RUFY3: variants seen among roughly 807,000 people sequenced by gnomAD.
RUFY3 encodes the protein protein RUFY3.
In RUFY3, 34 loss-of-function variants were observed where a neutral mutation model predicts 84.0. The ratio of observed to expected loss-of-function variants is 0.40; its 90% CI spans 0.31 to 0.54. RUFY3 has a LOEUF of 0.54. RUFY3 is among the 20% of genes least tolerant of loss of function. RUFY3 has a pLI of 0.39. For missense variants in RUFY3, 507 were observed against 736.8 expected (o/e 0.69, Z 3.61); for synonymous variants, 242 against 252.9 (o/e 0.96, Z 0.41).
chr4:70,705,636 C>T (rs1391674479), intron 1 of RUFY3, among the ~76,000 whole-genome samples: 1 of 152,174 alleles, frequency 6.6e-6, no homozygotes, highest in Non-Finnish European at 1.5e-5. Flanking sequence ...CTGCCCCCCT[C>T]CACCCGGGGC....
At chr4:70,717,603 G>A (rs1741767897), upstream of RUFY3, among the ~76,000 whole-genome samples, 1 of 151,068 alleles carries the variant, frequency 6.6e-6, no homozygotes, top group Non-Finnish European at 1.5e-5. Flanking sequence ...GTGTTTGTGT[G>A]TGTGTGTTTT....
In RUFY3 at chr4:70,804,347, G is replaced by C; in HGVS notation, c.1651-1G>C. 1 of 1,613,854 alleles carries C rather than the reference G, an allele frequency of 6.2e-7. No individual in the cohort carries two copies. Among genetic ancestry groups the C allele is most frequent in the Non-Finnish European group, 8.5e-7 (1 of 1,179,858 alleles). Reference sequence around the variant, plus strand: ...ACTAACCAGCTCCCTGTGTGGTTTAGGATCAGCTGCTGCTCTCTGAAAAGC... The same window carrying C: ...ACTAACCAGCTCCCTGTGTGGTTTACGATCAGCTGCTGCTCTCTGAAAAGC... On this transcript the variant is annotated splice_acceptor_variant, in intron 16 of 17. Coordinates refer to ENST00000381006, the MANE Select transcript of RUFY3 (RefSeq NM_001037442.4). LOFTEE classifies it high-confidence loss of function.
chr4:70,777,904 A>G (rs571265508), intron 7 of RUFY3, among the ~76,000 whole-genome samples: 1 of 152,332 alleles, frequency 6.6e-6, no homozygotes, highest in African/African-American at 2.4e-5. Flanking sequence ...AATGCCAAAG[A>G]TAATAGCCTT....
intron 14 of RUFY3, among the ~76,000 whole-genome samples, chr4:70,796,329 C>T (rs1440915668): frequency 2.0e-5 from 3 of 152,198 alleles, no homozygotes; most frequent in African/African-American, 7.2e-5. Flanking sequence ...GCTTTTGACC[C>T]GTCTGCTTTT....
chr4:70,766,485 T>C (rs998694182), intron 4 of RUFY3, among the ~76,000 whole-genome samples: 4 of 152,176 alleles, frequency 2.6e-5, no homozygotes, highest in Non-Finnish European at 1.5e-5. Flanking sequence ...CCTCAAGTGA[T>C]CCACCTGCCT....
At chr4:70,740,644 C>T (rs1721187018) in intron 1 of RUFY3, among the ~76,000 whole-genome samples, 2 of 152,176 alleles carry the variant, frequency 1.3e-5, no homozygotes, top group South Asian at 4.1e-4. Context: ...TCTCATGAAT[C>T]TGTAATCCTA....
chr4:70,779,311 C>T (rs915338110), intron 8 of RUFY3, among the ~76,000 whole-genome samples: 1 of 152,176 alleles, frequency 6.6e-6, no homozygotes, highest in Non-Finnish European at 1.5e-5. Flanking sequence ...TGAGTTCCGT[C>T]ACTGGAAAAT....
At chr4:70,784,281 G>A (rs76940253) in intron 9 of RUFY3, among the ~76,000 whole-genome samples, 3,156 of 152,288 alleles carry the variant, frequency 0.021, 120 homozygotes, top group East Asian at 0.16. Context: ...TCGGGAGTTC[G>A]AGACCAGCCT....
At chr4:70,798,599 T>G (rs1202917706) in intron 14 of RUFY3, among the ~76,000 whole-genome samples, 1 of 152,068 alleles carries the variant, frequency 6.6e-6, no homozygotes. Flanking sequence ...CTGGGCAACA[T>G]GGTGAAACCC....
intron 7 of RUFY3, among the ~76,000 whole-genome samples, chr4:70,777,844 G>C (rs948887073): frequency 2.6e-5 from 4 of 152,150 alleles, no homozygotes; most frequent in African/African-American, 9.7e-5. Context: ...ATTCTGTAGG[G>C]AATGAACTCT....
rs531542020 is a variant in RUFY3, at chr4:70,722,010, G to T, written c.-564G>T. 1.9e-5 allele frequency: 24 copies of T among 1,232,180 alleles called. No individual in the cohort carries two copies. The African/African-American group carries it at 3.1e-4, about 16-fold the overall frequency. 76.3% of individuals were successfully genotyped at this position (1,232,180 alleles called of 1,614,324 possible). A position where few individuals can be genotyped will look rare whatever the true frequency, so the allele number is the denominator to read the frequency against. On this transcript the variant is annotated 5_prime_UTR_variant, in exon 1 of 18. Coordinates refer to ENST00000381006, the MANE Select transcript of RUFY3 (RefSeq NM_001037442.4). The stretch of plus-strand genomic sequence containing the variant: ...GGTCAACACCCTGCTTACTGCGCAC[G>T]GCCAATCCTATGAGAACTCAGCATC...
At chr4:70,787,321 A>G (rs757663764) in intron 10 of RUFY3, among the ~76,000 whole-genome samples, 1 of 136,124 alleles carries the variant, frequency 7.3e-6, no homozygotes, top group Non-Finnish European at 1.5e-5. Flanking sequence ...GCAGTGGTGT[A>G]GTCTCAGCTC....
chr4:70,754,693 G>A (rs530735151), intron 1 of RUFY3, among the ~76,000 whole-genome samples: 3 of 150,748 alleles, frequency 2.0e-5, no homozygotes, highest in African/African-American at 7.3e-5. Flanking sequence ...AGTTTTATAC[G>A]CTAAGGTCTT....
At chr4:70,720,364 A>G (rs904668458), upstream of RUFY3, among the ~76,000 whole-genome samples, 2 of 151,968 alleles carry the variant, frequency 1.3e-5, no homozygotes, top group Admixed American at 6.6e-5. Flanking sequence ...TTGTATTTTT[A>G]GTAGAGATGA....
chr4:70,751,493 T>TTG (rs1723128255), intron 1 of RUFY3, among the ~76,000 whole-genome samples: 1 of 152,220 alleles, frequency 6.6e-6, no homozygotes, highest in African/African-American at 2.4e-5. Flanking sequence ...TCATCTTGAT[T>TTG]TGTATTTCTC....
intron 7 of RUFY3, among the ~76,000 whole-genome samples, chr4:70,777,309 TGAG>T (rs1728133016): frequency 1.3e-5 from 2 of 152,248 alleles, no homozygotes; most frequent in Non-Finnish European, 2.9e-5. Context: ...TCCTCTCTCC[TGAG>T]AAGAGCTATC....
At chr4:70,705,000 G>A (rs1740094313) in exon 1 of RUFY3, 2 of 1,224,616 alleles carry the variant, frequency 1.6e-6, no homozygotes, top group African/African-American at 1.6e-5. Context: ...GCCGGCGAGG[G>A]GCGGGGAGTG....
intron 1 of RUFY3, among the ~76,000 whole-genome samples, chr4:70,730,598 G>A (rs1353931097): frequency 1.4e-5 from 2 of 146,042 alleles, no homozygotes; most frequent in East Asian, 3.9e-4. Flanking sequence ...GATTAGCTGG[G>A]CGTGGTGGCA....
intron 16 of RUFY3, 22 bp downstream of exon 16, chr4:70,803,005 A>C: frequency 6.3e-7 from 1 of 1,595,626 alleles, no homozygotes; most frequent in South Asian, 1.1e-5. Context: ...TCCTGTTTCA[A>C]AACATCTTGT....
Sources: allele counts gnomAD v4.1 joint callset (sites outside exome capture counted in the v4.1 genomes callset), GRCh38; gene constraint gnomAD v4.1.1; transcripts MANE v1.5; gene names NCBI Gene and HGNC (gene_info 2026-07-23, HGNC 2026-07-21).